Variants in IFT56 observed in about 807,000 individuals in gnomAD.
IFT56 encodes intraflagellar transport protein 56.
the IFT56 span, chr7:139,173,429 A>G: frequency 3.7e-6 from 2 of 545,836 alleles, no homozygotes; most frequent in Admixed American, 3.3e-5. Context: ...AGGTTTCGCC[A>G]TGTTGGCCAG....
At chr7:139,166,120 G>A in the IFT56 span, among the ~76,000 whole-genome samples, 21 of 152,070 alleles carry the variant, frequency 1.4e-4, no homozygotes, top group Admixed American at 2.6e-4. Context: ...ACCATGCCTG[G>A]CTAATTTTTG....
At chr7:139,157,480 T>C in the IFT56 span, among the ~76,000 whole-genome samples, 3 of 150,070 alleles carry the variant, frequency 2.0e-5, no homozygotes, top group African/African-American at 7.3e-5. Flanking sequence ...GGTTTTGTGC[T>C]TTTTTTTGTA....
the IFT56 span, among the ~76,000 whole-genome samples, chr7:139,142,587 T>C: frequency 2.0e-5 from 3 of 152,212 alleles, no homozygotes; most frequent in African/African-American, 7.2e-5. Context: ...CCCAGCACTT[T>C]GGGAGGCTGA....
the IFT56 span, among the ~76,000 whole-genome samples, chr7:139,149,902 A>G: frequency 6.6e-6 from 1 of 152,050 alleles, no homozygotes; most frequent in African/African-American, 2.4e-5. Flanking sequence ...ACATATATAC[A>G]TATATAATAT....
chr7:139,148,761 A>G, the IFT56 span, among the ~76,000 whole-genome samples: 2 of 151,578 alleles, frequency 1.3e-5, no homozygotes, highest in Admixed American at 6.6e-5. Context: ...CTCTACTAAA[A>G]ATACAAAAAA....
the IFT56 span, among the ~76,000 whole-genome samples, chr7:139,152,250 C>T: frequency 1.3e-5 from 2 of 152,140 alleles, no homozygotes; most frequent in African/African-American, 4.8e-5. Context: ...CCTCAGCCTC[C>T]CAAGTAGCTG....
chr7:139,137,264 T>C, the IFT56 span, among the ~76,000 whole-genome samples: 1 of 152,244 alleles, frequency 6.6e-6, no homozygotes, highest in East Asian at 1.9e-4. Context: ...TGGACATAAG[T>C]GAGGCCAAGT....
the IFT56 span, chr7:139,139,881 A>G: frequency 1.3e-6 from 2 of 1,592,546 alleles, no homozygotes; most frequent in South Asian, 2.2e-5. Flanking sequence ...TGCTTACTAT[A>G]TATTTCAGGA....
the IFT56 span, among the ~76,000 whole-genome samples, chr7:139,159,266 G>A: frequency 6.6e-6 from 1 of 152,150 alleles, no homozygotes; most frequent in Non-Finnish European, 1.5e-5. Flanking sequence ...AGTTCCTTTA[G>A]TGGTTATAGG....
At chr7:139,177,703 G>A in the IFT56 span, among the ~76,000 whole-genome samples, 1 of 151,472 alleles carries the variant, frequency 6.6e-6, no homozygotes, top group African/African-American at 2.4e-5. Context: ...AACAGGATAA[G>A]GAGCCTTAGG....
the IFT56 span, among the ~76,000 whole-genome samples, chr7:139,170,783 A>T: frequency 6.6e-6 from 1 of 152,210 alleles, no homozygotes; most frequent in Non-Finnish European, 1.5e-5. Flanking sequence ...TTCCTCTAAG[A>T]TCTGGAACAA....
the IFT56 span, chr7:139,178,403 A>G: frequency 2.2e-6 from 3 of 1,392,832 alleles, no homozygotes; most frequent in Non-Finnish European, 2.0e-6. Context: ...CTGTGGTGGC[A>G]TTAGTGGCAT....
the IFT56 span, chr7:139,191,932 AATT>A: frequency 1.3e-5 from 2 of 152,202 alleles, no homozygotes; most frequent in Non-Finnish European, 2.9e-5. Flanking sequence ...ACCTCAAAAT[AATT>A]ATTATATTCT....
the IFT56 span, among the ~76,000 whole-genome samples, chr7:139,144,828 T>C: frequency 2.0e-5 from 3 of 152,126 alleles, no homozygotes; most frequent in African/African-American, 4.8e-5. Flanking sequence ...AATTTCCTAA[T>C]TTTTAATTTA....
chr7:139,134,636 G>A, the IFT56 span: 1 of 1,597,838 alleles, frequency 6.3e-7, no homozygotes, highest in Non-Finnish European at 8.5e-7. Context: ...CCATACAGCT[G>A]TCTTTGTTTC....
At chr7:139,160,863 T>C in the IFT56 span, 2 of 977,116 alleles carry the variant, frequency 2.0e-6, no homozygotes, top group South Asian at 3.3e-5. Context: ...TTAAATTCTT[T>C]GTAAATTATA....
At chr7:139,134,899 G>A in the IFT56 span, 1 of 1,146,510 alleles carries the variant, frequency 8.7e-7, no homozygotes, top group East Asian at 2.5e-5. Context: ...GTGCATTCTG[G>A]GGCTTCCTGT....
the IFT56 span, chr7:139,147,236 G>C: frequency 6.2e-7 from 1 of 1,613,466 alleles, no homozygotes; most frequent in African/African-American, 1.3e-5. Context: ...CACTATATGC[G>C]ATCTCACTAC....
the IFT56 span, among the ~76,000 whole-genome samples, chr7:139,178,815 G>A: frequency 3.3e-5 from 5 of 152,098 alleles, no homozygotes; most frequent in Admixed American, 3.3e-4. Context: ...GAGCCTGGAA[G>A]TTTTAAGCTG....
Sources: allele counts gnomAD v4.1 joint callset (sites outside exome capture counted in the v4.1 genomes callset), GRCh38; gene constraint gnomAD v4.1.1; transcripts MANE v1.5; gene names NCBI Gene and HGNC (gene_info 2026-07-23, HGNC 2026-07-21).